RPAP2: variants seen among roughly 807,000 people sequenced by gnomAD.
RPAP2 encodes the protein RNA polymerase II associated protein 2, also known as putative RNA polymerase II subunit B1 CTD phosphatase RPAP2.
A neutral mutation model predicts 73.1 loss-of-function variants in RPAP2; 52 were observed. The observed-to-expected ratio is 0.71, with a 90% CI of 0.57 to 0.90. The LOEUF is 0.90. Among genes scored for constraint, RPAP2 ranks in the 40% least tolerant of loss-of-function variants. The pLI, the probability that RPAP2 is intolerant of heterozygous loss-of-function variation, is 0.00. For missense variants in RPAP2, 598 were observed against 701.8 expected, an observed-to-expected ratio of 0.85 and a Z score of 1.67; for synonymous variants, 225 against 242.1, an observed-to-expected ratio of 0.93 and a Z score of 0.65.
chr1:92,398,976 T>G lies in RPAP2; in HGVS notation c.*11965T>G, dbSNP rs1387843421. ...AGCCAGTTTTCTACTCTCTAAATGTTCAGGCCTTTGCCTGTCCTTCCCTCA... is the reference window on the plus strand; with the variant it reads ...AGCCAGTTTTCTACTCTCTAAATGTGCAGGCCTTTGCCTGTCCTTCCCTCA... On this transcript the variant is annotated 3_prime_UTR_variant, in exon 13 of 13. Coordinates refer to ENST00000610020, the MANE Select transcript of RPAP2 (RefSeq NM_024813.3). 2.0e-5 allele frequency: 3 copies of G among 152,258 alleles called. No individual in the cohort carries two copies. Among genetic ancestry groups the G allele is most frequent in the Non-Finnish European group, 4.4e-5 (3 of 68,050 alleles). 9.4% of individuals were successfully genotyped at this position (152,258 alleles called of 1,614,324 possible). A position where few individuals can be genotyped will look rare whatever the true frequency, so the allele number is the denominator to read the frequency against.
At chr1:92,332,129 T>C (rs1653005768) in intron 8 of RPAP2, among the ~76,000 whole-genome samples, 1 of 151,988 alleles carries the variant, frequency 6.6e-6, no homozygotes, top group African/African-American at 2.4e-5. Context: ...TTTTACTGTA[T>C]CTTGTAGGTC....
chr1:92,323,087 A>T (rs11578012), intron 7 of RPAP2, among the ~76,000 whole-genome samples: 37,370 of 146,360 alleles, frequency 0.26, 6,154 homozygotes, highest in Non-Finnish European at 0.35. Flanking sequence ...ATATATATAT[A>T]TATATTTGCA....
intron 11 of RPAP2, among the ~76,000 whole-genome samples, chr1:92,358,778 G>A (rs1654605477): frequency 6.6e-6 from 1 of 152,050 alleles, no homozygotes; most frequent in Non-Finnish European, 1.5e-5. Flanking sequence ...GTAGAGATAG[G>A]GGTCTCACTT....
chr1:92,345,759 A>G (rs1653855691), intron 10 of RPAP2, 87 bp from the exon 11 acceptor site: 2 of 829,506 alleles, frequency 2.4e-6, no homozygotes. Flanking sequence ...TCTTTGGCAC[A>G]TTATTATAAA....
intron 9 of RPAP2, among the ~76,000 whole-genome samples, chr1:92,334,015 C>T (rs1275365727): frequency 2.0e-5 from 3 of 152,088 alleles, no homozygotes; most frequent in Non-Finnish European, 4.4e-5. Context: ...TTAAAAATTG[C>T]TATCTTGGTT....
In RPAP2 at chr1:92,390,861, T is replaced by C. The variant is rs1000499272; in HGVS notation, c.*3850T>C. The C allele has an allele frequency of 2.0e-5, 3 of 152,178 alleles. No homozygotes were observed. Among genetic ancestry groups the C allele is most frequent in the African/African-American group, 7.2e-5 (3 of 41,440 alleles). 9.4% of individuals were successfully genotyped at this position (152,178 alleles called of 1,614,324 possible). On this transcript the variant is annotated 3_prime_UTR_variant, in exon 13 of 13. Transcript: ENST00000610020. ...AACAGCTAACTATCCTAAATATATA[T>C]GCACCCAATACAGGAGCACCCAGAT...
At chr1:92,365,827 T>G (rs1253860400) in intron 11 of RPAP2, among the ~76,000 whole-genome samples, 2 of 152,222 alleles carry the variant, frequency 1.3e-5, no homozygotes, top group East Asian at 3.8e-4. Flanking sequence ...TGTGAACTTG[T>G]GTGGTCTAGC....
chr1:92,352,872 C>T (rs1571112957), intron 11 of RPAP2, among the ~76,000 whole-genome samples: 1 of 152,296 alleles, frequency 6.6e-6, no homozygotes, highest in East Asian at 1.9e-4. Flanking sequence ...TTCCTCTAGT[C>T]CTCTGGCAAC....
In RPAP2 at chr1:92,389,227, G is replaced by A. The variant is rs1210323590; in HGVS notation, c.*2216G>A. The A allele has an allele frequency of 6.5e-6, 1 of 153,424 alleles. No homozygotes were observed. The highest frequency in any genetic ancestry group is 6.5e-5 in the Admixed American group (1 of 15,292). The allele number at this position is 153,424 out of a possible 1,614,324, so 9.5% of individuals were successfully genotyped here. A position where few individuals can be genotyped will look rare whatever the true frequency, so the allele number is the denominator to read the frequency against. The stretch of plus-strand genomic sequence containing the variant: ...AGGCAGCAATATTTGCTGTTCTGCA[G>A]CCTCCACTGGTGACACCCAGGCAAA... On this transcript the variant is annotated 3_prime_UTR_variant, in exon 13 of 13. Transcript: ENST00000610020.
chr1:92,324,433 A>G (rs1034799937), intron 8 of RPAP2, 58 bp downstream of exon 8: 12 of 1,274,796 alleles, frequency 9.4e-6, no homozygotes, highest in South Asian at 5.5e-5. Context: ...AACTCACCAC[A>G]GCAAATCTTG....
chr1:92,374,644 A>G (rs1284604584), intron 11 of RPAP2, among the ~76,000 whole-genome samples: 3 of 152,334 alleles, frequency 2.0e-5, no homozygotes, highest in Non-Finnish European at 2.9e-5. Flanking sequence ...AGTTGATCAA[A>G]ACCATAGTAG....
At chr1:92,358,776 A>AG (rs1449350274) in intron 11 of RPAP2, among the ~76,000 whole-genome samples, 2 of 152,096 alleles carry the variant, frequency 1.3e-5, no homozygotes, top group African/African-American at 2.4e-5. Context: ...TTGTAGAGAT[A>AG]GGGGTCTCAC....
At chr1:92,363,795 G>T in intron 11 of RPAP2, 1 of 277,884 alleles carries the variant, frequency 3.6e-6, no homozygotes, top group Non-Finnish European at 7.1e-6. Context: ...TCTTCTTTAT[G>T]ATTTGCTTAA....
At chr1:92,384,935 A>G (rs925134699) in intron 12 of RPAP2, among the ~76,000 whole-genome samples, 15 of 152,090 alleles carry the variant, frequency 9.9e-5, no homozygotes, top group African/African-American at 3.6e-4. Context: ...GGATCGCTTG[A>G]GCCCAGGAGT....
chr1:92,306,996 G>A (rs893641107), intron 5 of RPAP2, among the ~76,000 whole-genome samples, 192 bp from the exon 6 acceptor site: 1 of 152,080 alleles, frequency 6.6e-6, no homozygotes, highest in Non-Finnish European at 1.5e-5. Flanking sequence ...TGGGGAATGC[G>A]GAGGGTGATG....
chr1:92,317,493 G>A (rs1651989606), intron 6 of RPAP2, among the ~76,000 whole-genome samples: 2 of 152,012 alleles, frequency 1.3e-5, no homozygotes. Flanking sequence ...AGGCAACAGT[G>A]AGACTCTGTC....
At chr1:92,327,289 C>G (rs980353831) in intron 8 of RPAP2, among the ~76,000 whole-genome samples, 1 of 151,976 alleles carries the variant, frequency 6.6e-6, no homozygotes, top group Non-Finnish European at 1.5e-5. Flanking sequence ...GTGTTGCTTT[C>G]TATCTCATTT....
At position 92,319,410 on chromosome 1, in the gene RPAP2, A is replaced by T. The variant is rs1241770492; in HGVS notation, c.489-1189A>T. 7.2e-5 allele frequency among the ~76,000 whole-genome samples: 11 copies of T among 152,232 alleles called. No homozygotes were observed. In the South Asian group the frequency reaches 2.1e-3, roughly 29 times the overall value. Reference sequence around the variant, plus strand: ...TAACATGGGGATAATATTAGTAGCTACATCGTTGTTATGAGGATCAATATC... The same window carrying T: ...TAACATGGGGATAATATTAGTAGCTTCATCGTTGTTATGAGGATCAATATC... On this transcript the variant is annotated intron_variant, in intron 6 of 12. Transcript: ENST00000610020.
chr1:92,391,758 T>G lies in RPAP2; in HGVS notation c.*4747T>G, dbSNP rs1020986740. 2.0e-5 allele frequency: 3 copies of G among 152,144 alleles called. No individual in the cohort carries two copies. The highest frequency in any genetic ancestry group is 4.4e-5 in the Non-Finnish European group (3 of 68,028). 9.4% of individuals were successfully genotyped at this position (152,144 alleles called of 1,614,324 possible). A position where few individuals can be genotyped will look rare whatever the true frequency, so the allele number is the denominator to read the frequency against. On this transcript the variant is annotated 3_prime_UTR_variant, in exon 13 of 13. Transcript: ENST00000610020. The stretch of plus-strand genomic sequence containing the variant: ...CATCAGCGAATACTATAAACACCTC[T>G]ACACAAATAAACTAGAAAATCTAGA...
Sources: gnomAD v4.1 joint callset for allele counts (sites outside exome capture counted in the v4.1 genomes callset) on GRCh38, gnomAD v4.1.1 for gene constraint, MANE v1.5 for transcripts, NCBI Gene and HGNC (gene_info 2026-07-23, HGNC 2026-07-21) for gene names.